The following CASP6 variants were observed in gnomAD, a reference collection of about 807,000 sequenced individuals.
The protein encoded by CASP6 is caspase-6.
CASP6 carries 20 observed loss-of-function variants against 31.8 expected under a neutral mutation model. That is an observed-to-expected ratio of 0.63 (90% confidence interval 0.44 to 0.91). The LOEUF (loss-of-function observed/expected upper bound fraction) is 0.91, where lower values mean the gene tolerates loss of function less well. CASP6 is among the 40% of genes least tolerant of loss of function. CASP6 has a pLI of 0.00. For synonymous variants in CASP6, 130 were observed against 127.8 expected, an observed-to-expected ratio of 1.02 and a Z score of -0.12; for missense variants, 328 against 361.1, an observed-to-expected ratio of 0.91 and a Z score of 0.74.
the CASP6 span, chr4:109,682,542 A>G: frequency 7.7e-6 from 12 of 1,549,704 alleles, no homozygotes; most frequent in Non-Finnish European, 1.0e-5. Flanking sequence ...CTGCGGGAAC[A>G]ATGTGGTGAC....
intron 4 of CASP6, among the ~76,000 whole-genome samples, chr4:109,695,088 C>T (rs1227234242): frequency 5.9e-5 from 9 of 152,160 alleles, no homozygotes; most frequent in Non-Finnish European, 8.8e-5. Context: ...GCCTCAGCCT[C>T]CCAAAGTGCT....
chr4:109,704,380 C>A (rs891293890), upstream of CASP6, among the ~76,000 whole-genome samples: 1 of 152,174 alleles, frequency 6.6e-6, no homozygotes, highest in Non-Finnish European at 1.5e-5. Flanking sequence ...CCAGTAAACA[C>A]ACAAAAGACA....
Position 109,703,342 on chromosome 4 carries a change from C to CGCCCCCTGCCTACCTGCCGGGT in CASP6, c.32_40+13dup, listed in dbSNP as rs1029611145. 12 of 1,606,322 alleles carry CGCCCCCTGCCTACCTGCCGGGT rather than the reference C, an allele frequency of 7.5e-6. No homozygotes were observed. Among genetic ancestry groups the CGCCCCCTGCCTACCTGCCGGGT allele is most frequent in the African/African-American group, 5.3e-5 (4 of 74,934 alleles). On this transcript the variant is annotated intron_variant, in intron 1 of 6. Transcript: ENST00000265164. Reference sequence around the variant, plus strand: ...GCAGACCTGCTCGGTGCCCAGTCGACGCCCCCTGCCTACCTGCCGGGTGCC... The same window carrying CGCCCCCTGCCTACCTGCCGGGT: ...GCAGACCTGCTCGGTGCCCAGTCGACGCCCCCTGCCTACCTGCCGGGTGCCCCCTGCCTACCTGCCGGGTGCC...
the CASP6 span, among the ~76,000 whole-genome samples, chr4:109,672,401 C>T: frequency 6.6e-6 from 1 of 152,104 alleles, no homozygotes; most frequent in Admixed American, 6.5e-5. Context: ...GGAGTTTTTC[C>T]TTCAATGCTA....
upstream of CASP6, among the ~76,000 whole-genome samples, chr4:109,704,696 A>G (rs1730545043): frequency 6.6e-6 from 1 of 152,220 alleles, no homozygotes; most frequent in African/African-American, 2.4e-5. Flanking sequence ...ATCATTGATA[A>G]AGGCAGCTAC....
At chr4:109,669,183 T>G in the CASP6 span, among the ~76,000 whole-genome samples, 3 of 152,216 alleles carry the variant, frequency 2.0e-5, no homozygotes, top group African/African-American at 7.2e-5. Flanking sequence ...TCTGAAGAAC[T>G]TCTTTTAATA....
Position 109,689,101 on chromosome 4 carries a change from A to T in CASP6, c.*229T>A. On this transcript the variant is annotated 3_prime_UTR_variant, in exon 7 of 7. Transcript: ENST00000265164. ...AGTGATTCTCCTGCCTCAGCCTTCC[A>T]AGTAGCTGGGATTGCAGGCATGCGC... The T allele has an allele frequency of 7.9e-6, 3 of 380,254 alleles. No individual in the cohort carries two copies. The allele number at this position is 380,254 out of a possible 1,614,324, so 23.6% of individuals were successfully genotyped here.
chr4:109,708,990 C>T, the CASP6 span, among the ~76,000 whole-genome samples: 1 of 152,208 alleles, frequency 6.6e-6, no homozygotes, highest in Non-Finnish European at 1.5e-5. Context: ...AGATATGTGA[C>T]AGGTAATGCA....
chr4:109,684,332 G>A, downstream of CASP6: 1 of 755,972 alleles, frequency 1.3e-6, no homozygotes, highest in South Asian at 1.9e-5. Context: ...AGAGTGCTGA[G>A]ATTACAGGCG....
At chr4:109,702,254 C>A (rs368360161) in intron 1 of CASP6, among the ~76,000 whole-genome samples, 1 of 152,214 alleles carries the variant, frequency 6.6e-6, no homozygotes, top group African/African-American at 2.4e-5. Flanking sequence ...TCTGGAGCAC[C>A]ATTTCCTTTG....
chr4:109,695,483 G>A (rs557218258), intron 4 of CASP6, among the ~76,000 whole-genome samples: 36 of 152,192 alleles, frequency 2.4e-4, no homozygotes, highest in Non-Finnish European at 2.5e-4. Flanking sequence ...AGGGCCAGGC[G>A]CAGTGGCTCA....
chr4:109,709,357 CA>C, the CASP6 span, among the ~76,000 whole-genome samples: 1 of 152,152 alleles, frequency 6.6e-6, no homozygotes, highest in Non-Finnish European at 1.5e-5. Context: ...GGAATCCTAC[CA>C]AGCACTCTCT....
intron 3 of CASP6, among the ~76,000 whole-genome samples, chr4:109,696,787 T>C (rs1730255428): frequency 6.7e-6 from 1 of 148,682 alleles, no homozygotes; most frequent in Non-Finnish European, 1.5e-5. Context: ...GCAAGTTTTT[T>C]TTTTTTTTTT....
chr4:109,671,300 C>A, the CASP6 span, among the ~76,000 whole-genome samples: 1 of 152,166 alleles, frequency 6.6e-6, no homozygotes, highest in Non-Finnish European at 1.5e-5. Context: ...ATTATTAGTT[C>A]AAATAGTGCT....
At position 109,696,359 on chromosome 4, in the gene CASP6, G is replaced by C. The variant is rs1358990684; in HGVS notation, c.307+51C>G. 7.8e-6 allele frequency: 10 copies of C among 1,287,666 alleles called. No individual in the cohort carries two copies. The Admixed American group carries it at 1.1e-4, about 14-fold the overall frequency. 79.8% of individuals were successfully genotyped at this position (1,287,666 alleles called of 1,614,324 possible). A position where few individuals can be genotyped will look rare whatever the true frequency, so the allele number is the denominator to read the frequency against. The stretch of plus-strand genomic sequence containing the variant: ...ACCTGTCTTTACAGATAGGATAAAG[G>C]ACTCGGTTTCATTAGAGGAAGATGA... On this transcript the variant is annotated intron_variant, in intron 4 of 6. Coordinates refer to ENST00000265164, the MANE Select transcript of CASP6 (RefSeq NM_001226.4).
upstream of CASP6, among the ~76,000 whole-genome samples, chr4:109,705,012 C>G (rs775190784): frequency 6.3e-4 from 96 of 152,264 alleles, no homozygotes; most frequent in African/African-American, 2.0e-3. Context: ...GCCAAAACAA[C>G]AGATCTTAAA....
At chr4:109,665,038 C>T in the CASP6 span, among the ~76,000 whole-genome samples, 4 of 152,156 alleles carry the variant, frequency 2.6e-5, no homozygotes, top group African/African-American at 4.8e-5. Flanking sequence ...CTGCACCCCA[C>T]GCCCCTTATT....
At position 109,689,059 on chromosome 4, in the gene CASP6, T is replaced by C; in HGVS notation, c.*271A>G. On this transcript the variant is annotated 3_prime_UTR_variant, in exon 7 of 7. Coordinates refer to ENST00000265164, the MANE Select transcript of CASP6 (RefSeq NM_001226.4). ...GGCGCAATCTCGGCTCACCGCAGCC[T>C]CCACCTCCTGGGTTCAAGTGATTCT... The C allele has an allele frequency of 6.8e-6, 2 of 295,958 alleles. No homozygotes were observed. Among genetic ancestry groups the C allele is most frequent in the South Asian group, 4.5e-5 (1 of 22,172 alleles). 18.3% of individuals were successfully genotyped at this position (295,958 alleles called of 1,614,324 possible). A position where few individuals can be genotyped will look rare whatever the true frequency, so the allele number is the denominator to read the frequency against.
chr4:109,700,274 G>A (rs534409031), intron 1 of CASP6, among the ~76,000 whole-genome samples: 11 of 152,310 alleles, frequency 7.2e-5, no homozygotes, highest in Non-Finnish European at 1.5e-4. Flanking sequence ...GTGAGTTTGG[G>A]TTGTCTCAAA....
Sources: allele counts gnomAD v4.1 joint callset (sites outside exome capture counted in the v4.1 genomes callset), GRCh38; gene constraint gnomAD v4.1.1; transcripts MANE v1.5; gene names NCBI Gene and HGNC (gene_info 2026-07-23, HGNC 2026-07-21).